The following SZT2 variants were observed in gnomAD, a reference collection of about 807,000 sequenced individuals.
The protein encoded by SZT2 is SZT2 subunit of KICSTOR complex, also known as KICSTOR complex protein SZT2.
In SZT2, 216 loss-of-function variants were observed where a neutral mutation model predicts 404.2. That is an observed-to-expected ratio of 0.53 (90% CI 0.48 to 0.60). The LOEUF is 0.60. Among genes scored for constraint, SZT2 ranks in the 20% least tolerant of loss-of-function variants. The pLI is 0.00. For synonymous variants in SZT2, 1,693 were observed against 1,749.9 expected, an observed-to-expected ratio of 0.97 and a Z score of 0.81; for missense variants, 3,857 against 4,459.2, an observed-to-expected ratio of 0.86 and a Z score of 3.85.
intron 4 of SZT2, 78 bp from the exon 5 acceptor site, chr1:43,415,004 G>T: frequency 6.6e-7 from 1 of 1,525,884 alleles, no homozygotes. Context: ...TGGAGCTATG[G>T]AGAATAAACA....
In SZT2 at chr1:43,420,081, C is replaced by A. The variant is rs1451348502; in HGVS notation, c.1091-72C>A. ...TTACCTCACAGTCATTTCAGCATAG[C>A]CCCTTCCCCCTACAGATCTGTCAGT... On this transcript the variant is annotated intron_variant, in intron 8 of 71. Transcript: ENST00000634258. The surrounding 1 kb of genome is among the most constrained non-coding windows in gnomAD (Gnocchi z 5.1). 3.2e-6 allele frequency: 5 copies of A among 1,576,354 alleles called. No homozygotes were observed. The highest frequency in any genetic ancestry group is 3.4e-5 in the Admixed American group (2 of 59,132).
intron 51 of SZT2, 152 bp downstream of exon 51, chr1:43,440,200 G>T (rs759424818): frequency 1.3e-5 from 16 of 1,243,834 alleles, no homozygotes; most frequent in Non-Finnish European, 1.8e-5. Flanking sequence ...CCGTGAGCTT[G>T]TCTGGGCATC....
intron 28 of SZT2, chr1:43,429,063 A>C (rs1653538789): frequency 6.4e-6 from 1 of 157,360 alleles, no homozygotes. Flanking sequence ...CTGGAGCTCT[A>C]GATACTCACT....
At position 43,400,141 on chromosome 1, in the gene SZT2, G is replaced by A. The variant is rs78151477; in HGVS notation, c.28-3036G>A. Among the ~76,000 whole-genome samples the A allele has an allele frequency of 2.6e-3, 396 of 150,254 alleles. 1 individual carries two copies. Among genetic ancestry groups the A allele is most frequent in the African/African-American group, 9.1e-3 (374 of 40,920 alleles). ...TTTTTTTTAGAGATGGACTTTCACCGTTTGCCCAGGCTGTTCTCAAACTCC... is the reference window on the plus strand; with the variant it reads ...TTTTTTTTAGAGATGGACTTTCACCATTTGCCCAGGCTGTTCTCAAACTCC... On this transcript the variant is annotated intron_variant, in intron 1 of 71. Coordinates refer to ENST00000634258, the MANE Select transcript of SZT2 (RefSeq NM_001365999.1).
At position 43,448,201 on chromosome 1, in the gene SZT2, C is replaced by T. The variant is rs1655924619; in HGVS notation, c.9686C>T (p.Ala3229Val). The T allele has an allele frequency of 6.2e-7, 1 of 1,610,224 alleles. No individual in the cohort carries two copies. Among genetic ancestry groups the T allele is most frequent in the Non-Finnish European group, 8.5e-7 (1 of 1,178,112 alleles). ...GAGCCAGAGGCTCCTGGGAGTTCAG[C>T]TGGCAGCCCTGGGGAGGCCTCAGGG... ...PPEPEAPGSS[A>V]GSPGEASGLI... is the part of the protein sequence containing the mutation. The change falls in exon 69 of 72, where the codon GCT (alanine) becomes GTT (valine). Residue 3229 changes from alanine to valine, a missense_variant. Coordinates refer to ENST00000634258, the MANE Select transcript of SZT2 (RefSeq NM_001365999.1). The surrounding 1 kb of genome is among the most constrained non-coding windows in gnomAD (Gnocchi z 4.2).
intron 28 of SZT2, 71 bp downstream of exon 28, chr1:43,428,557 T>G: frequency 6.4e-7 from 1 of 1,560,562 alleles, no homozygotes; most frequent in Non-Finnish European, 8.6e-7. Context: ...GACCTTCCAG[T>G]CCAGGGGAAT....
Position 43,416,062 on chromosome 1 carries a change from A to G in SZT2, c.733A>G (p.Ile245Val), listed in dbSNP as rs1385369891. Reference sequence around the variant, plus strand: ...GCTGGTCAGTATGATTCGTCAGGGCATCTTGGCACTGCAGTTACTACCCTC... The same window carrying G: ...GCTGGTCAGTATGATTCGTCAGGGCGTCTTGGCACTGCAGTTACTACCCTC... Reference protein sequence around the residue: ...LGLVSMIRQGILALQLLPSNS... With the variant: ...LGLVSMIRQGVLALQLLPSNS... Residue 245 changes from isoleucine to valine, a missense_variant, in exon 6 of 72, where the codon ATC becomes GTC. Around this residue, in one of 7 missense-constraint regions of SZT2, gnomAD observed 536 missense variants for 637.4 expected, o/e 0.84. Transcript: ENST00000634258. 4 of 1,598,272 alleles carry G rather than the reference A, an allele frequency of 2.5e-6. No homozygotes were observed. Among genetic ancestry groups the G allele is most frequent in the Non-Finnish European group, 1.7e-6 (2 of 1,179,802 alleles).
chr1:43,401,573 G>A (rs1035568648), intron 1 of SZT2, among the ~76,000 whole-genome samples: 1 of 149,962 alleles, frequency 6.7e-6, no homozygotes, highest in African/African-American at 2.5e-5. Context: ...TGCAACCTCC[G>A]CCTCCTGGGT....
rs1475767852 is a variant in SZT2 at position 43,426,391 on chromosome 1, G to A, written c.3067G>A (p.Glu1023Lys). The A allele has an allele frequency of 6.3e-6, 10 of 1,575,784 alleles. No homozygotes were observed. Among genetic ancestry groups the A allele is most frequent in the South Asian group, 3.4e-5 (3 of 88,220 alleles). Residue 1023 changes from glutamate (E) to lysine (K), a missense_variant, in exon 22 of 72, where the codon GAG (glutamate) becomes AAG (lysine). Physicochemically the swap from Glu to Lys is moderately conservative, Grantham distance 56. Around this residue, in one of 7 missense-constraint regions of SZT2, gnomAD observed 1,725 missense variants for 1,881.0 expected, o/e 0.92. Transcript: ENST00000634258. This position sits in a 1 kb window ranked among gnomAD's most constrained non-coding sequence, Gnocchi z 4.9. ...AREPEGVPFA[E>K]GSCPANDMVL... is the part of the protein sequence containing the mutation. Reference sequence around the variant, plus strand: ...AGAGCCAGAGGGTGTCCCTTTCGCCGAGGGGTCCTGTCCTGCCAACGACAT... The same window carrying A: ...AGAGCCAGAGGGTGTCCCTTTCGCCAAGGGGTCCTGTCCTGCCAACGACAT...
chr1:43,410,778 T>G (rs1650940250), intron 4 of SZT2, among the ~76,000 whole-genome samples: 1 of 151,862 alleles, frequency 6.6e-6, no homozygotes, highest in Admixed American at 6.6e-5. Flanking sequence ...GGAAACAAAA[T>G]CATCTCACTA....
chr1:43,424,192 G>A lies in SZT2; in HGVS notation c.2256-25G>A. The A allele has an allele frequency of 1.9e-6, 3 of 1,587,372 alleles. No homozygotes were observed. The highest frequency in any genetic ancestry group is 2.6e-6 in the Non-Finnish European group (3 of 1,172,378). Reference sequence around the variant, plus strand: ...GGCTTAGCCGGGGATGAGAGAGATAGCTGGGGAGTTGTCCCATTTCCTAGG... The same window carrying A: ...GGCTTAGCCGGGGATGAGAGAGATAACTGGGGAGTTGTCCCATTTCCTAGG... On this transcript the variant is annotated intron_variant, in intron 15 of 71. Coordinates refer to ENST00000634258, the MANE Select transcript of SZT2 (RefSeq NM_001365999.1). The surrounding 1 kb of genome is among the most constrained non-coding windows in gnomAD (Gnocchi z 4.1).
Position 43,422,193 on chromosome 1 carries a change from G to A in SZT2, c.1737G>A (p.Met579Ile). The change falls in exon 12 of 72, where the codon ATG becomes ATA. Residue 579 changes from methionine to isoleucine, a missense_variant. By Grantham distance (10) the Met-to-Ile change is conservative (BLOSUM62 1). Around this residue, in one of 7 missense-constraint regions of SZT2, gnomAD observed 1,725 missense variants for 1,881.0 expected, o/e 0.92. Transcript: ENST00000634258. ...ATTCCTGGCAGCGATGGCTGCACAT[G>A]CATCGCCTGGTGCTAATCCTGGAGC... ...DANSWQRWLH[M>I]HRLVLILEHD... is the part of the protein sequence containing the mutation. 1 of 1,595,508 alleles carries A rather than the reference G, an allele frequency of 6.3e-7. No homozygotes were observed. The highest frequency in any genetic ancestry group is 1.1e-5 in the South Asian group (1 of 90,688).
At chr1:43,427,792 A>G (rs943850536) in intron 26 of SZT2, 58 bp downstream of exon 26, 9 of 1,577,340 alleles carry the variant, frequency 5.7e-6, no homozygotes, top group East Asian at 4.6e-5. Context: ...CAGCCAAGAA[A>G]TAAGTACACA....
In SZT2 at chr1:43,420,106, T is replaced by C. The variant is rs1335936382; in HGVS notation, c.1091-47T>C. 1 of 1,588,600 alleles carries C rather than the reference T, an allele frequency of 6.3e-7. No individual in the cohort carries two copies. Among genetic ancestry groups the C allele is most frequent in the Admixed American group, 1.7e-5 (1 of 59,734 alleles). On this transcript the variant is annotated intron_variant, in intron 8 of 71. Coordinates refer to ENST00000634258, the MANE Select transcript of SZT2 (RefSeq NM_001365999.1). This position sits in a 1 kb window ranked among gnomAD's most constrained non-coding sequence, Gnocchi z 5.1. Reference sequence around the variant, plus strand: ...CCCCTTCCCCCTACAGATCTGTCAGTTGGCAGATAACCAGTTTCTCCTTCC... The same window carrying C: ...CCCCTTCCCCCTACAGATCTGTCAGCTGGCAGATAACCAGTTTCTCCTTCC...
Position 43,454,049 on chromosome 1 carries a change from A to AG in SZT2, c.*3570dup, listed in dbSNP as rs1195682806. On this transcript the variant is annotated 3_prime_UTR_variant, in exon 72 of 72. Coordinates refer to ENST00000634258, the MANE Select transcript of SZT2 (RefSeq NM_001365999.1). ...GAAAAGGAGCAGGACCCGCGCCTGG[A>AG]GAAGGTAGGGAGGCCGAGCTCCAGG... 6.6e-5 allele frequency: 75 copies of AG among 1,144,930 alleles called. No individual in the cohort carries two copies. The East Asian group carries it at 3.1e-3, about 47-fold the overall frequency. 70.9% of individuals were successfully genotyped at this position (1,144,930 alleles called of 1,614,324 possible). A position where few individuals can be genotyped will look rare whatever the true frequency, so the allele number is the denominator to read the frequency against.
chr1:43,412,238 A>G (rs928960526), intron 4 of SZT2: 5 of 152,238 alleles, frequency 3.3e-5, no homozygotes, highest in African/African-American at 1.2e-4. Flanking sequence ...AATACTCACA[A>G]TAGGCTGTGC....
rs143959495 is a variant in SZT2, at chr1:43,447,054, G to A, written c.9172G>A (p.Val3058Met). The A allele has an allele frequency of 4.7e-5, 76 of 1,613,910 alleles. No individual in the cohort carries two copies. The African/African-American group carries it at 7.5e-4, about 16-fold the overall frequency. ...DFHLRLVHQH[V>M]LGAHLVLRHG... ...CCATCTGCGCCTCGTGCATCAGCAC[G>A]TGCTAGGTGCCCATCTGGTGCTGCG... Residue 3058 changes from valine (V) to methionine (M), a missense_variant, in exon 66 of 72, where the codon GTG becomes ATG. Val to Met is a conservative substitution (Grantham distance 21). This residue lies in a region of SZT2 where 717 missense variants were observed against 868.2 expected (regional missense o/e 0.83). Coordinates refer to ENST00000634258, the MANE Select transcript of SZT2 (RefSeq NM_001365999.1).
chr1:43,400,770 G>T (rs1007508210), intron 1 of SZT2, among the ~76,000 whole-genome samples: 2 of 152,064 alleles, frequency 1.3e-5, no homozygotes, highest in Non-Finnish European at 2.9e-5. Context: ...TACTTGGGAG[G>T]CTTAGGCAGG....
At chr1:43,421,025 G>A (rs776280225) in intron 10 of SZT2, 42 bp downstream of exon 10, 1 of 1,595,036 alleles carries the variant, frequency 6.3e-7, no homozygotes, top group Admixed American at 1.7e-5. Context: ...CCCATTTGTT[G>A]TATGGAGGGA....
Sources: gnomAD v4.1 joint callset for allele counts (sites outside exome capture counted in the v4.1 genomes callset) on GRCh38, gnomAD v4.1.1 for gene constraint, gnomAD v4.1.1 regional missense constraint, Gnocchi (gnomAD v3.1) non-coding constraint, MANE v1.5 for transcripts, NCBI Gene and HGNC (gene_info 2026-07-23, HGNC 2026-07-21) for gene names.